TMEM260: variants seen among roughly 807,000 people sequenced by gnomAD.
TMEM260 encodes the protein transmembrane protein 260.
In TMEM260, 82 loss-of-function variants were observed where a neutral mutation model predicts 88.9. That is an observed-to-expected ratio of 0.92 (90% CI 0.77 to 1.11). The LOEUF is 1.11. Ranked by LOEUF, TMEM260 falls within the 50% of genes least tolerant of loss-of-function variation. TMEM260 has a pLI of 0.00. For synonymous variants in TMEM260, 314 were observed against 309.3 expected, an observed-to-expected ratio of 1.02 and a Z score of -0.16; for missense variants, 902 against 853.4, an observed-to-expected ratio of 1.06 and a Z score of -0.71.
intron 15 of TMEM260, among the ~76,000 whole-genome samples, chr14:56,645,882 G>A (rs1889934076): frequency 6.6e-6 from 1 of 152,168 alleles, no homozygotes; most frequent in Admixed American, 6.6e-5. Flanking sequence ...TTACCAAGAG[G>A]ATAAAAGGGT....
intron 3 of TMEM260, among the ~76,000 whole-genome samples, chr14:56,593,763 C>T (rs1886027253): frequency 7.3e-6 from 1 of 136,782 alleles, no homozygotes; most frequent in Non-Finnish European, 1.5e-5. Context: ...TCTCGGCTCA[C>T]TGCAAGCTCC....
At position 56,605,605 on chromosome 14, in the gene TMEM260, T is replaced by C. The variant is rs1432214568; in HGVS notation, c.558T>C (p.Ser186=). 6.3e-7 allele frequency: 1 copy of C among 1,581,486 alleles called. No individual in the cohort carries two copies. Among genetic ancestry groups the C allele is most frequent in the East Asian group, 2.3e-5 (1 of 44,090 alleles). The part of the protein sequence containing the change: ...AKIGAFCCGL[S]LCNQHTIILY... ...TTGGTGCTTTCTGCTGTGGCCTTAGTTTATGTAACCAGCACACAATAATAC... is the reference window on the plus strand; with the variant it reads ...TTGGTGCTTTCTGCTGTGGCCTTAGCTTATGTAACCAGCACACAATAATAC... The change falls in exon 5 of 16, where the codon AGT becomes AGC. Residue 186 remains serine, a synonymous_variant. Coordinates refer to ENST00000261556, the MANE Select transcript of TMEM260 (RefSeq NM_017799.4).
chr14:56,589,431 A>T (rs1885714926), intron 3 of TMEM260, among the ~76,000 whole-genome samples: 1 of 152,170 alleles, frequency 6.6e-6, no homozygotes, highest in Non-Finnish European at 1.5e-5. Context: ...ATCAAAATTC[A>T]GTGCTTATTT....
chr14:56,658,397 G>A, the TMEM260 span, among the ~76,000 whole-genome samples: 1 of 151,858 alleles, frequency 6.6e-6, no homozygotes, highest in South Asian at 2.1e-4. Flanking sequence ...ACAGGTGCCC[G>A]CCACCATGCC....
intron 7 of TMEM260, among the ~76,000 whole-genome samples, chr14:56,614,264 C>T (rs998205807): frequency 6.8e-6 from 1 of 147,586 alleles, no homozygotes; most frequent in Non-Finnish European, 1.5e-5. Context: ...CCTGTAGTTG[C>T]AGCTACTCAG....
chr14:56,629,745 A>G (rs1888464369), intron 12 of TMEM260, among the ~76,000 whole-genome samples: 1 of 152,184 alleles, frequency 6.6e-6, no homozygotes, highest in South Asian at 2.1e-4. Flanking sequence ...CATTTTAAAA[A>G]TGTTACTTTA....
chr14:56,598,787 A>G (rs1014328092), intron 3 of TMEM260, among the ~76,000 whole-genome samples: 4 of 152,164 alleles, frequency 2.6e-5, no homozygotes, highest in Non-Finnish European at 4.4e-5. Context: ...ATGCATGTGA[A>G]GCCATGGCAC....
the TMEM260 span, among the ~76,000 whole-genome samples, chr14:56,659,241 GTTTTTGT>G: frequency 6.1e-5 from 9 of 147,336 alleles, no homozygotes; most frequent in African/African-American, 2.3e-4. Context: ...ATAAAAGAGG[GTTTTTGT>G]TTTTTGGTTT....
In TMEM260 at chr14:56,648,839, A is replaced by T. The variant is rs1243086764; in HGVS notation, c.*1342A>T. On this transcript the variant is annotated 3_prime_UTR_variant, in exon 16 of 16. Coordinates refer to ENST00000261556, the MANE Select transcript of TMEM260 (RefSeq NM_017799.4). ...GCCGAGGGCTTTTGAGTGAAATGCC[A>T]GTCATGAAGGTGCTTCAAGACAAGG... is the stretch of plus-strand genomic sequence containing the variant. The T allele has an allele frequency of 6.5e-6, 1 of 152,678 alleles. No individual in the cohort carries two copies. The highest frequency in any genetic ancestry group is 1.5e-5 in the Non-Finnish European group (1 of 68,052). The allele number at this position is 152,678 out of a possible 1,614,324, so 9.5% of individuals were successfully genotyped here. A position where few individuals can be genotyped will look rare whatever the true frequency, so the allele number is the denominator to read the frequency against.
chr14:56,632,439 T>C (rs1195375709), intron 12 of TMEM260, among the ~76,000 whole-genome samples: 2 of 152,114 alleles, frequency 1.3e-5, no homozygotes, highest in Admixed American at 6.5e-5. Flanking sequence ...CTGCCTCCGC[T>C]AATGCCACGA....
chr14:56,608,435 T>G (rs2139565000), intron 5 of TMEM260, among the ~76,000 whole-genome samples: 1 of 152,324 alleles, frequency 6.6e-6, no homozygotes, highest in South Asian at 2.1e-4. Flanking sequence ...GATATTGTCC[T>G]TTAAGAAAAG....
At chr14:56,633,337 T>G in intron 13 of TMEM260, 166 bp downstream of exon 13, 2 of 543,398 alleles carry the variant, frequency 3.7e-6, no homozygotes, top group Non-Finnish European at 3.1e-6. Flanking sequence ...GAACATGTCC[T>G]TCTCGTTCTC....
chr14:56,642,223 T>C (rs1044480659), intron 15 of TMEM260, among the ~76,000 whole-genome samples: 26 of 152,124 alleles, frequency 1.7e-4, no homozygotes, highest in East Asian at 3.9e-4. Flanking sequence ...CAGCACCGCA[T>C]TGCACTTATT....
chr14:56,597,950 T>C (rs190500044), intron 3 of TMEM260, among the ~76,000 whole-genome samples: 26 of 152,078 alleles, frequency 1.7e-4, no homozygotes, highest in African/African-American at 6.3e-4. Context: ...GAATGAGAAA[T>C]TAATTTTGTA....
At chr14:56,646,965 GA>G (rs1226649774) in intron 15 of TMEM260, among the ~76,000 whole-genome samples, 1 of 151,994 alleles carries the variant, frequency 6.6e-6, no homozygotes, top group African/African-American at 2.4e-5. Flanking sequence ...CATCTTTCTG[GA>G]GGAAGAGCAT....
At chr14:56,657,996 T>C in the TMEM260 span, among the ~76,000 whole-genome samples, 4 of 152,186 alleles carry the variant, frequency 2.6e-5, no homozygotes, top group African/African-American at 7.2e-5. Flanking sequence ...CCTCTCCCAC[T>C]GCCACCCATA....
chr14:56,640,478 C>T (rs976465771), intron 15 of TMEM260, among the ~76,000 whole-genome samples: 2 of 152,118 alleles, frequency 1.3e-5, no homozygotes, highest in Non-Finnish European at 2.9e-5. Context: ...AGGACATCCA[C>T]ACCAAAAACC....
chr14:56,632,751 A>G (rs1012987601), intron 12 of TMEM260, among the ~76,000 whole-genome samples: 4 of 152,106 alleles, frequency 2.6e-5, no homozygotes, highest in African/African-American at 4.8e-5. Context: ...TCCAGCCTCT[A>G]TTATGCTTTG....
chr14:56,635,336 G>T (rs1888961277), intron 14 of TMEM260, among the ~76,000 whole-genome samples: 1 of 152,178 alleles, frequency 6.6e-6, no homozygotes, highest in African/African-American at 2.4e-5. Context: ...TTTGTAATGT[G>T]CCTGTCAATT....
Sources: allele counts gnomAD v4.1 joint callset (sites outside exome capture counted in the v4.1 genomes callset), GRCh38; gene constraint gnomAD v4.1.1; transcripts MANE v1.5; gene names NCBI Gene and HGNC (gene_info 2026-07-23, HGNC 2026-07-21).